KLHDC1: variants seen among roughly 807,000 people sequenced by gnomAD.
KLHDC1 encodes the protein kelch domain-containing protein 1.
KLHDC1 carries 53 observed loss-of-function variants against 68.3 expected under a neutral mutation model. That is an observed-to-expected ratio of 0.78 (90% CI 0.62 to 0.98). The LOEUF is 0.98. Ranked by LOEUF, KLHDC1 falls within the 50% of genes least tolerant of loss-of-function variation. KLHDC1 has a pLI of 0.00. For missense variants in KLHDC1, 470 were observed against 492.3 expected, an observed-to-expected ratio of 0.95 and a Z score of 0.43; for synonymous variants, 148 against 159.0, an observed-to-expected ratio of 0.93 and a Z score of 0.52.
intron 9 of KLHDC1, 149 bp downstream of exon 9, chr14:49,732,965 C>T: frequency 1.7e-6 from 1 of 577,438 alleles, no homozygotes; most frequent in Non-Finnish European, 3.1e-6. Flanking sequence ...ATTATGATCT[C>T]CTTGCTTTTG....
Position 49,709,762 on chromosome 14 carries a change from G to A in KLHDC1, c.221G>A (p.Gly74Asp), listed in dbSNP as rs768683110. The change falls in exon 3 of 13, where the codon GGT becomes GAT. Residue 74 changes from glycine (G) to aspartate (D), a missense_variant. Gly to Asp is a moderately conservative substitution (Grantham distance 94). Coordinates refer to ENST00000359332, the MANE Select transcript of KLHDC1 (RefSeq NM_172193.3). The stretch of plus-strand genomic sequence containing the variant: ...CCAGCCTCCATGTCAGGAAGCTGTG[G>A]TGCTTGCATTAATGGAAAGCTGTAC... ...ELPASMSGSC[G>D]ACINGKLYIF... The A allele has an allele frequency of 6.2e-7, 1 of 1,604,956 alleles. No individual in the cohort carries two copies. The highest frequency in any genetic ancestry group is 8.5e-7 in the Non-Finnish European group (1 of 1,176,356).
chr14:49,742,473 C>G (rs1423818321), intron 11 of KLHDC1, among the ~76,000 whole-genome samples: 1 of 151,806 alleles, frequency 6.6e-6, no homozygotes, highest in African/African-American at 2.4e-5. Flanking sequence ...GAGTTCCAGA[C>G]TAGCCTGGCC....
intron 4 of KLHDC1, among the ~76,000 whole-genome samples, chr14:49,711,003 T>C (rs1183162884): frequency 1.0e-5 from 1 of 95,356 alleles, no homozygotes; most frequent in Non-Finnish European, 2.2e-5. Flanking sequence ...GTTTGTTTTT[T>C]GTTTTTTTGG....
intron 2 of KLHDC1, 42 bp from the exon 3 acceptor site, chr14:49,709,667 C>A: frequency 1.7e-6 from 2 of 1,157,936 alleles, no homozygotes; most frequent in South Asian, 3.0e-5. Context: ...TTTAATTTGC[C>A]TTTCTGGAAA....
rs1205762218 is a variant in KLHDC1 at position 49,722,520 on chromosome 14, G to A, written c.405-1354G>A. Among the ~76,000 whole-genome samples, 7 of 152,276 alleles carry A rather than the reference G, an allele frequency of 4.6e-5. 1 individual carries two copies. In the South Asian group the frequency reaches 6.2e-4, roughly 14 times the overall value. On this transcript the variant is annotated intron_variant, in intron 4 of 12. Transcript: ENST00000359332. ...TTTCTTAATTCAGTCTATCATTGAT[G>A]GACATTTGGGTTGATTCCAAGTCTT...
At chr14:49,695,136 G>GTGTGTC (rs1887699875) in intron 1 of KLHDC1, among the ~76,000 whole-genome samples, 1 of 151,636 alleles carries the variant, frequency 6.6e-6, no homozygotes, top group Non-Finnish European at 1.5e-5. Flanking sequence ...GTGTGTGTGT[G>GTGTGTC]TGTGTGTGTG....
At chr14:49,719,516 C>G (rs560471945) in intron 4 of KLHDC1, among the ~76,000 whole-genome samples, 1 of 151,612 alleles carries the variant, frequency 6.6e-6, no homozygotes, top group African/African-American at 2.4e-5. Context: ...ACAACCTCTT[C>G]CTCCCGGGTT....
Position 49,725,778 on chromosome 14 carries a change from G to A in KLHDC1, c.567+9G>A, listed in dbSNP as rs1888656578. On this transcript the variant is annotated intron_variant, in intron 6 of 12. Coordinates refer to ENST00000359332, the MANE Select transcript of KLHDC1 (RefSeq NM_172193.3). Reference sequence around the variant, plus strand: ...TTCAACCAGAAATTAAAGTAAGTGTGGTAAAAAGTCATCTTTATATATTTG... The same window carrying A: ...TTCAACCAGAAATTAAAGTAAGTGTAGTAAAAAGTCATCTTTATATATTTG... The A allele has an allele frequency of 2.1e-6, 3 of 1,402,720 alleles. No homozygotes were observed. Among genetic ancestry groups the A allele is most frequent in the Non-Finnish European group, 3.0e-6 (3 of 1,012,484 alleles). 86.9% of individuals were successfully genotyped at this position (1,402,720 alleles called of 1,614,324 possible). A position where few individuals can be genotyped will look rare whatever the true frequency, so the allele number is the denominator to read the frequency against.
chr14:49,712,796 C>G (rs1888241218), intron 4 of KLHDC1, among the ~76,000 whole-genome samples: 1 of 152,032 alleles, frequency 6.6e-6, no homozygotes, highest in Admixed American at 6.6e-5. Flanking sequence ...AGCCGCCACA[C>G]CCGGCTTAAT....
intron 4 of KLHDC1, among the ~76,000 whole-genome samples, chr14:49,710,760 C>A (rs1438514792): frequency 6.6e-6 from 1 of 152,144 alleles, no homozygotes; most frequent in African/African-American, 2.4e-5. Flanking sequence ...TTTAATCCTT[C>A]TGTTCCATTT....
At chr14:49,732,541 C>A (rs546744517) in intron 8 of KLHDC1, among the ~76,000 whole-genome samples, 163 bp from the exon 9 acceptor site, 9 of 152,148 alleles carry the variant, frequency 5.9e-5, no homozygotes, top group African/African-American at 1.9e-4. Context: ...TTTTTAAATT[C>A]ATCTAAGAAT....
At chr14:49,703,654 G>GT (rs1431698192) in intron 1 of KLHDC1, among the ~76,000 whole-genome samples, 4 of 152,026 alleles carry the variant, frequency 2.6e-5, no homozygotes, top group African/African-American at 9.7e-5. Context: ...AATTCTTTTA[G>GT]TTTTCAGATT....
chr14:49,732,765 G>C lies in KLHDC1; in HGVS notation c.772G>C (p.Asp258His). 1 of 1,610,126 alleles carries C rather than the reference G, an allele frequency of 6.2e-7. No homozygotes were observed. ...RSWHTLTPIA[D>H]DKLFLCGGLS... ...ATGGCATACTTTAACACCTATAGCT[G>C]ATGATAAACTTTTCCTATGTGGTGG... Residue 258 changes from aspartate to histidine, a missense_variant, in exon 9 of 13, where the codon GAT becomes CAT. Asp to His is a moderately conservative substitution (Grantham distance 81). Transcript: ENST00000359332.
intron 6 of KLHDC1, among the ~76,000 whole-genome samples, 165 bp downstream of exon 6, chr14:49,725,934 G>A (rs973413856): frequency 2.0e-5 from 3 of 151,982 alleles, no homozygotes; most frequent in Admixed American, 6.6e-5. Context: ...TGCAACCTCC[G>A]CCTCCCGGGT....
At chr14:49,704,536 G>T (rs1887997802) in intron 1 of KLHDC1, among the ~76,000 whole-genome samples, 1 of 151,552 alleles carries the variant, frequency 6.6e-6, no homozygotes, top group African/African-American at 2.4e-5. Flanking sequence ...TGGGATTACA[G>T]GCACCCGCCA....
chr14:49,695,099 C>T lies in KLHDC1; in HGVS notation c.96+1809C>T, dbSNP rs931716491. ...CCTTTCACAAAATATTTCTCTGTAACATGCAATGCAGTTTTGATGTGTGTG... is the reference window on the plus strand; with the variant it reads ...CCTTTCACAAAATATTTCTCTGTAATATGCAATGCAGTTTTGATGTGTGTG... On this transcript the variant is annotated intron_variant, in intron 1 of 12. Transcript: ENST00000359332. Among the ~76,000 whole-genome samples, 5 of 129,956 alleles carry T rather than the reference C, an allele frequency of 3.8e-5. No individual in the cohort carries two copies. The Admixed American group carries it at 4.0e-4, about 10-fold the overall frequency. 85.3% of individuals were successfully genotyped at this position (129,956 alleles called of 152,430 possible). A position where few individuals can be genotyped will look rare whatever the true frequency, so the allele number is the denominator to read the frequency against.
At chr14:49,693,748 C>CTTTTTTTTTCTTTTTTTTTTTTT (rs1887646287) in intron 1 of KLHDC1, among the ~76,000 whole-genome samples, 2 of 61,540 alleles carry the variant, frequency 3.2e-5, no homozygotes, top group Non-Finnish European at 6.8e-5. Flanking sequence ...TTTTCTTTTT[C>CTTTTTTTTTCTTTTTTTTTTTTT]TTTTTTTTTT....
Sources: allele counts gnomAD v4.1 joint callset (sites outside exome capture counted in the v4.1 genomes callset), GRCh38; gene constraint gnomAD v4.1.1; transcripts MANE v1.5; gene names NCBI Gene and HGNC (gene_info 2026-07-23, HGNC 2026-07-21).